ANKRD30BL: variants seen among roughly 807,000 people sequenced by gnomAD.
The protein encoded by ANKRD30BL is putative ankyrin repeat domain-containing protein 30B-like.
Under a neutral mutation model 18.4 loss-of-function variants are expected in ANKRD30BL, and 20 were observed. That is an observed-to-expected ratio of 1.09 (90% CI 0.77 to 1.58). The LOEUF (loss-of-function observed/expected upper bound fraction) is 1.58. ANKRD30BL is among the 40% of genes most tolerant of loss of function. The pLI is 0.00. For missense variants in ANKRD30BL, 224 were observed against 268.6 expected (o/e 0.83, Z 1.16); for synonymous variants, 72 against 100.9 (o/e 0.71, Z 1.72).
chr2:132,202,840 T>A (rs1441886250), intron 1 of ANKRD30BL, among the ~76,000 whole-genome samples: 1 of 152,172 alleles, frequency 6.6e-6, no homozygotes, highest in Non-Finnish European at 1.5e-5. Context: ...AGAGACGACA[T>A]CGGAATGCAA....
intron 1 of ANKRD30BL, among the ~76,000 whole-genome samples, chr2:132,256,392 G>C (rs1680838391): frequency 1.3e-5 from 2 of 152,116 alleles, no homozygotes; most frequent in East Asian, 2.0e-4. Flanking sequence ...CACCACTCCC[G>C]ACCCTTCGTG....
At chr2:132,247,887 A>G (rs1680545596) in intron 1 of ANKRD30BL, among the ~76,000 whole-genome samples, 1 of 152,158 alleles carries the variant, frequency 6.6e-6, no homozygotes, top group Non-Finnish European at 1.5e-5. Flanking sequence ...CATGTCAGAA[A>G]GAAGTTTCTC....
chr2:132,167,480 A>G (rs1688209873), intron 1 of ANKRD30BL, among the ~76,000 whole-genome samples: 1 of 152,016 alleles, frequency 6.6e-6, no homozygotes, highest in Non-Finnish European at 1.5e-5. Flanking sequence ...GTGCCACAAC[A>G]CCCAGCTAAC....
chr2:132,158,898 T>G (rs1488584274), intron 1 of ANKRD30BL, among the ~76,000 whole-genome samples: 2 of 151,912 alleles, frequency 1.3e-5, no homozygotes, highest in Non-Finnish European at 2.9e-5. Context: ...CAGAATATAC[T>G]AATCCACAAA....
intron 1 of ANKRD30BL, among the ~76,000 whole-genome samples, chr2:132,201,784 A>G (rs559834139): frequency 1.3e-4 from 20 of 152,338 alleles, no homozygotes; most frequent in African/African-American, 4.6e-4. Context: ...CAGCCATCCC[A>G]TTACTGGGTA....
At chr2:132,256,245 T>C (rs1265777943) in intron 1 of ANKRD30BL, among the ~76,000 whole-genome samples, 1 of 150,742 alleles carries the variant, frequency 6.6e-6, no homozygotes, top group African/African-American at 2.4e-5. Flanking sequence ...GCGTCCCAGT[T>C]GCGAGATTGG....
Position 132,147,880 on chromosome 2 carries a change from A to G in ANKRD30BL, c.*251T>C, listed in dbSNP as rs1044015334. 50 of 452,286 alleles carry G rather than the reference A, an allele frequency of 1.1e-4. No individual in the cohort carries two copies. The highest frequency in any genetic ancestry group is 1.9e-4 in the Non-Finnish European group (47 of 243,550). 28.0% of individuals were successfully genotyped at this position (452,286 alleles called of 1,614,324 possible). On this transcript the variant is annotated 3_prime_UTR_variant, in exon 6 of 6. Transcript: ENST00000409867. The stretch of plus-strand genomic sequence containing the variant: ...AGGATGACTAAGGACAGAGCAGGTT[A>G]CTAAGAATGACTAAAGACAAAGCAG...
At chr2:132,154,296 C>T (rs1687842735) in intron 4 of ANKRD30BL, among the ~76,000 whole-genome samples, 1 of 152,128 alleles carries the variant, frequency 6.6e-6, no homozygotes, top group Admixed American at 6.6e-5. Context: ...GTATGAAAAA[C>T]AGAAGTTAGA....
chr2:132,162,012 T>C (rs1688085903), upstream of ANKRD30BL: 5 of 288,216 alleles, frequency 1.7e-5, no homozygotes, highest in Non-Finnish European at 3.3e-5. Context: ...GAAACCGCCC[T>C]GGCTGCGCTT....
At chr2:132,168,102 CT>C (rs1688220117) in intron 1 of ANKRD30BL, among the ~76,000 whole-genome samples, 1 of 152,152 alleles carries the variant, frequency 6.6e-6, no homozygotes, top group East Asian at 1.9e-4. Flanking sequence ...GACAGGTCAG[CT>C]GACGATGTAT....
intron 1 of ANKRD30BL, among the ~76,000 whole-genome samples, chr2:132,158,757 CTAAT>C (rs1236794179): frequency 6.7e-6 from 1 of 149,930 alleles, no homozygotes; most frequent in African/African-American, 2.4e-5. Flanking sequence ...TAAAACTACA[CTAAT>C]TAATCTATAA....
chr2:132,217,865 G>T (rs1383979264), intron 1 of ANKRD30BL, among the ~76,000 whole-genome samples: 1 of 151,832 alleles, frequency 6.6e-6, no homozygotes, highest in Non-Finnish European at 1.5e-5. Flanking sequence ...TTTTGATAAA[G>T]CAGTTTAGAA....
intron 1 of ANKRD30BL, among the ~76,000 whole-genome samples, chr2:132,240,290 C>T (rs534836835): frequency 9.9e-4 from 150 of 151,570 alleles, no homozygotes; most frequent in Middle Eastern, 6.9e-3. Context: ...ATTTGGACAG[C>T]ATTGAGGATT....
intron 1 of ANKRD30BL, among the ~76,000 whole-genome samples, chr2:132,238,359 T>C (rs922683189): frequency 6.6e-6 from 1 of 151,818 alleles, no homozygotes; most frequent in Non-Finnish European, 1.5e-5. Context: ...TGCATTCAAC[T>C]CACAGAGTTG....
At chr2:132,154,584 T>A (rs1687848689) in intron 4 of ANKRD30BL, 78 bp downstream of exon 4, 2 of 529,298 alleles carry the variant, frequency 3.8e-6, no homozygotes, top group Non-Finnish European at 6.9e-6. Context: ...TAAATGTTAC[T>A]AATTTAATAT....
rs763901690 is a variant in ANKRD30BL, at chr2:132,222,043, C to CG, written n.441+35485dup. ...CCAGCCACCCTGTCCGGGAGGGAGG[C>CG]GGGGGGGGGGGTCGGCCAGCCGCCC... On this transcript the variant is annotated intron_variant and non_coding_transcript_variant, in intron 1 of 4. Transcript: ENST00000470729. Among the ~76,000 whole-genome samples, 425 of 44,440 alleles carry CG rather than the reference C, an allele frequency of 9.6e-3. 10 individuals carry two copies. Among genetic ancestry groups the CG allele is most frequent in the African/African-American group, 0.012 (138 of 11,444 alleles). The allele number at this position is 44,440 out of a possible 152,430, so 29.2% of individuals were successfully genotyped here.
intron 1 of ANKRD30BL, among the ~76,000 whole-genome samples, chr2:132,243,672 T>C (rs1193781607): frequency 6.6e-6 from 1 of 151,678 alleles, no homozygotes; most frequent in Non-Finnish European, 1.5e-5. Flanking sequence ...AACACTCTTT[T>C]TGTAGAATGT....
At chr2:132,206,968 C>A (rs1305175506) in intron 1 of ANKRD30BL, among the ~76,000 whole-genome samples, 1 of 152,164 alleles carries the variant, frequency 6.6e-6, no homozygotes, top group African/African-American at 2.4e-5. Context: ...CTCCTCCCTG[C>A]GTCTCTGTTT....
intron 1 of ANKRD30BL, among the ~76,000 whole-genome samples, chr2:132,180,626 A>G (rs993311289): frequency 2.0e-5 from 3 of 151,914 alleles, no homozygotes; most frequent in Non-Finnish European, 4.4e-5. Context: ...CCATTTCACA[A>G]ATAAATAAAC....
Sources: gnomAD v4.1 joint callset for allele counts (sites outside exome capture counted in the v4.1 genomes callset) on GRCh38, gnomAD v4.1.1 for gene constraint, MANE v1.5 for transcripts, NCBI Gene and HGNC (gene_info 2026-07-23, HGNC 2026-07-21) for gene names.